The following SLC25A21 variants were observed in gnomAD, a reference collection of about 807,000 sequenced individuals.
The protein encoded by SLC25A21 is mitochondrial 2-oxodicarboxylate carrier.
In SLC25A21, 47 loss-of-function variants were observed where a neutral mutation model predicts 43.8. The ratio of observed to expected loss-of-function variants is 1.07; its 90% confidence interval spans 0.85 to 1.37. The LOEUF (loss-of-function observed/expected upper bound fraction) is 1.37. SLC25A21 is among the 40% of genes most tolerant of loss of function. The pLI is 0.00. For missense variants in SLC25A21, 352 were observed against 350.2 expected, an observed-to-expected ratio of 1.00 and a Z score of -0.04; for synonymous variants, 131 against 121.3, an observed-to-expected ratio of 1.08 and a Z score of -0.52.
intron 7 of SLC25A21, among the ~76,000 whole-genome samples, 186 bp downstream of exon 7, chr14:36,711,132 C>T (rs1482137765): frequency 6.6e-6 from 1 of 152,174 alleles, no homozygotes; most frequent in Non-Finnish European, 1.5e-5. Flanking sequence ...TTTCCTTGAT[C>T]TTTCTAAGAC....
At chr14:37,114,091 C>A (rs188550285) in intron 1 of SLC25A21, among the ~76,000 whole-genome samples, 4 of 151,842 alleles carry the variant, frequency 2.6e-5, no homozygotes, top group Admixed American at 1.3e-4. Context: ...CATTTTTCTT[C>A]AGATTTTTAT....
intron 6 of SLC25A21, among the ~76,000 whole-genome samples, chr14:36,716,708 T>C (rs556103042): frequency 1.3e-5 from 2 of 152,276 alleles, no homozygotes; most frequent in East Asian, 3.9e-4. Flanking sequence ...TCTGGAGTTC[T>C]TCCATCTGAC....
At chr14:36,760,228 C>T (rs1443734570) in intron 3 of SLC25A21, among the ~76,000 whole-genome samples, 3 of 152,106 alleles carry the variant, frequency 2.0e-5, no homozygotes, top group African/African-American at 7.2e-5. Context: ...CTTTGTTCTG[C>T]ATCATCACAG....
chr14:37,014,934 T>G (rs988902485), intron 1 of SLC25A21, among the ~76,000 whole-genome samples: 4 of 152,114 alleles, frequency 2.6e-5, no homozygotes, highest in Non-Finnish European at 5.9e-5. Context: ...GCAGTAGGTC[T>G]TCATTGTGGG....
chr14:37,123,756 C>T (rs1963251008), intron 1 of SLC25A21, among the ~76,000 whole-genome samples: 1 of 152,120 alleles, frequency 6.6e-6, no homozygotes, highest in African/African-American at 2.4e-5. Flanking sequence ...CATGGTGGCT[C>T]ACACCTGTAG....
chr14:36,905,205 A>G (rs1286136111), intron 1 of SLC25A21, among the ~76,000 whole-genome samples: 1 of 152,218 alleles, frequency 6.6e-6, no homozygotes, highest in Non-Finnish European at 1.5e-5. Flanking sequence ...ATCATGAACT[A>G]TGGTAAATGC....
chr14:36,701,516 G>C (rs980048803), intron 7 of SLC25A21, among the ~76,000 whole-genome samples: 1 of 152,092 alleles, frequency 6.6e-6, no homozygotes, highest in African/African-American at 2.4e-5. Context: ...TAAGTTGTCT[G>C]TTCTTTAAAG....
At chr14:36,928,942 T>TA (rs974720331) in intron 1 of SLC25A21, among the ~76,000 whole-genome samples, 2 of 152,164 alleles carry the variant, frequency 1.3e-5, no homozygotes, top group South Asian at 2.1e-4. Context: ...AGGCTTGCTA[T>TA]AAAAAACTAC....
intron 1 of SLC25A21, among the ~76,000 whole-genome samples, chr14:36,886,522 A>G (rs535564316): frequency 2.0e-5 from 3 of 152,324 alleles, no homozygotes; most frequent in East Asian, 3.9e-4. Context: ...CCCTATTCTC[A>G]TAGAGTTTAC....
At chr14:36,992,063 T>G (rs1960275436) in intron 1 of SLC25A21, among the ~76,000 whole-genome samples, 1 of 152,228 alleles carries the variant, frequency 6.6e-6, no homozygotes, top group African/African-American at 2.4e-5. Flanking sequence ...ATAAATGATT[T>G]ATTTAGTGAC....
intron 1 of SLC25A21, among the ~76,000 whole-genome samples, chr14:37,106,997 T>C (rs1164791155): frequency 6.6e-6 from 1 of 152,208 alleles, no homozygotes; most frequent in Non-Finnish European, 1.5e-5. Flanking sequence ...CACTCAATAG[T>C]ATTGGCACAG....
intron 7 of SLC25A21, among the ~76,000 whole-genome samples, chr14:36,695,568 G>C (rs898085314): frequency 1.3e-5 from 2 of 152,146 alleles, no homozygotes; most frequent in Non-Finnish European, 2.9e-5. Context: ...CCATTTGTTT[G>C]TGTCCTCTTT....
At chr14:36,774,449 G>T (rs2138363794) in intron 3 of SLC25A21, among the ~76,000 whole-genome samples, 1 of 152,316 alleles carries the variant, frequency 6.6e-6, no homozygotes, top group South Asian at 2.1e-4. Context: ...TTCTGGGAAA[G>T]CCAGTATGAG....
intron 1 of SLC25A21, among the ~76,000 whole-genome samples, chr14:37,114,378 C>G (rs993497096): frequency 2.0e-5 from 3 of 152,126 alleles, no homozygotes; most frequent in African/African-American, 7.2e-5. Flanking sequence ...ACTGAACTTA[C>G]TAGACATATT....
intron 1 of SLC25A21, among the ~76,000 whole-genome samples, chr14:37,137,107 T>TC (rs1566906984): frequency 7.9e-5 from 12 of 152,164 alleles, no homozygotes; most frequent in African/African-American, 1.7e-4. Context: ...TTCACGCCAC[T>TC]CTGCCTCAGC....
At chr14:36,867,481 A>G (rs1890244490) in intron 2 of SLC25A21, among the ~76,000 whole-genome samples, 1 of 152,298 alleles carries the variant, frequency 6.6e-6, no homozygotes, top group South Asian at 2.1e-4. Flanking sequence ...AGGATACCGA[A>G]TAATGTCAGC....
chr14:36,921,270 T>A lies in SLC25A21; in HGVS notation c.71-46266A>T, dbSNP rs546640508. Among the ~76,000 whole-genome samples the A allele has an allele frequency of 3.9e-5, 6 of 152,268 alleles. No individual in the cohort carries two copies. The South Asian group carries it at 8.3e-4, about 21-fold the overall frequency. On this transcript the variant is annotated intron_variant, in intron 1 of 9. Transcript: ENST00000331299. ...TGTACCATACTCAAAGGAGATAATA[T>A]TAGTACCTATGATTTTACACTGAAG...
At chr14:36,757,195 T>C (rs1885969171) in intron 3 of SLC25A21, among the ~76,000 whole-genome samples, 1 of 151,988 alleles carries the variant, frequency 6.6e-6, no homozygotes, top group African/African-American at 2.4e-5. Context: ...GAGGCAGAGA[T>C]TGCAGGGAGC....
chr14:37,048,746 T>C (rs886799208), intron 1 of SLC25A21, among the ~76,000 whole-genome samples: 5 of 152,180 alleles, frequency 3.3e-5, no homozygotes, highest in African/African-American at 9.7e-5. Flanking sequence ...GTCTGTCTGA[T>C]TGTTCTTGAG....
Sources: allele counts gnomAD v4.1 joint callset (sites outside exome capture counted in the v4.1 genomes callset), GRCh38; gene constraint gnomAD v4.1.1; transcripts MANE v1.5; gene names NCBI Gene and HGNC (gene_info 2026-07-23, HGNC 2026-07-21).